GLDC: variants seen among roughly 807,000 people sequenced by gnomAD.
GLDC encodes glycine dehydrogenase (decarboxylating), mitochondrial.
Under a neutral mutation model 121.3 loss-of-function variants are expected in GLDC, and 104 were observed. The observed-to-expected ratio is 0.86, with a 90% confidence interval of 0.73 to 1.01. GLDC has a LOEUF of 1.01. Ranked by LOEUF, GLDC falls within the 50% of genes least tolerant of loss-of-function variation. The probability of loss-of-function intolerance (pLI) is 0.00; values close to 1 mark genes in which losing one functional copy is unlikely to be tolerated. For synonymous variants in GLDC, 546 were observed against 480.6 expected, an observed-to-expected ratio of 1.14 and a Z score of -1.78; for missense variants, 1,429 against 1,306.6, an observed-to-expected ratio of 1.09 and a Z score of -1.44.
intron 21 of GLDC, among the ~76,000 whole-genome samples, chr9:6,544,452 T>A (rs765677755): frequency 1.5e-4 from 23 of 152,182 alleles, no homozygotes; most frequent in Non-Finnish European, 2.8e-4. Context: ...AAGATAAGCC[T>A]AGCCAACATG....
chr9:6,548,271 T>C (rs1177140714), intron 21 of GLDC, among the ~76,000 whole-genome samples: 1 of 152,230 alleles, frequency 6.6e-6, no homozygotes, highest in Non-Finnish European at 1.5e-5. Flanking sequence ...AAAATGTCCG[T>C]GTTGAGCATA....
chr9:6,645,542 C>T lies in GLDC; in HGVS notation c.-43G>A. On this transcript the variant is annotated 5_prime_UTR_variant, in exon 1 of 25. Transcript: ENST00000321612. ...CCTGCCCCGGCCCGCAAGGGTCAGC[C>T]GCGCTCTTGGCCCCTCTCCTGGCCT... 7.7e-7 allele frequency: 1 copy of T among 1,291,348 alleles called. No homozygotes were observed. 80.0% of individuals were successfully genotyped at this position (1,291,348 alleles called of 1,614,324 possible). A position where few individuals can be genotyped will look rare whatever the true frequency, so the allele number is the denominator to read the frequency against.
chr9:6,645,121 G>T (rs376481220), intron 1 of GLDC, 124 bp downstream of exon 1: 1 of 995,856 alleles, frequency 1.0e-6, no homozygotes. Context: ...GCCACGGCCC[G>T]GGACCCAGGG....
In GLDC at chr9:6,553,462, A is replaced by T; in HGVS notation, c.2363T>A (p.Leu788Gln). ...AGGACAGGCATCCTCATTCCGCTTT[A>T]GTGAAATGACGGGATGATTGGGCAA... ...PFLPNHPVIS[L>Q]KRNEDACPVG... Residue 788 changes from leucine to glutamine, a missense_variant, in exon 20 of 25, where the codon CTA becomes CAA. By Grantham distance (113) the Leu-to-Gln change is moderately radical. Coordinates refer to ENST00000321612, the MANE Select transcript of GLDC (RefSeq NM_000170.3). The T allele has an allele frequency of 1.9e-6, 3 of 1,613,980 alleles. No homozygotes were observed. Among genetic ancestry groups the T allele is most frequent in the Non-Finnish European group, 2.5e-6 (3 of 1,179,900 alleles).
intron 16 of GLDC, among the ~76,000 whole-genome samples, chr9:6,559,271 T>C (rs932831567): frequency 6.6e-6 from 1 of 151,962 alleles, no homozygotes; most frequent in Admixed American, 6.6e-5. Flanking sequence ...TCCCAGCACT[T>C]TGGGAGGCCG....
intron 14 of GLDC, 120 bp from the exon 15 acceptor site, chr9:6,587,403 T>C: frequency 1.4e-6 from 1 of 739,700 alleles, no homozygotes; most frequent in Non-Finnish European, 2.3e-6. Flanking sequence ...CTAAGCGCTA[T>C]ACATATGTTA....
intron 20 of GLDC, 64 bp downstream of exon 20, chr9:6,553,304 C>A: frequency 7.0e-7 from 1 of 1,426,842 alleles, no homozygotes; most frequent in Non-Finnish European, 9.9e-7. Flanking sequence ...CTGCAGTATC[C>A]GGTCCCCATG....
In GLDC at chr9:6,591,972, T is replaced by C. The variant is rs62568998; in HGVS notation, c.1482+171A>G. 150,204 of 653,252 alleles carry C rather than the reference T, an allele frequency of 0.23. 19,494 individuals carry two copies. Among genetic ancestry groups the C allele is most frequent in the Middle Eastern group, 0.29 (803 of 2,806 alleles). The allele number at this position is 653,252 out of a possible 1,614,324, so 40.5% of individuals were successfully genotyped here. A position where few individuals can be genotyped will look rare whatever the true frequency, so the allele number is the denominator to read the frequency against. ...AATACTGGCTGGAGCCCTACAGCAGTGACCTCCAGCTGTCAGCAGTGACTA... is the reference window on the plus strand; with the variant it reads ...AATACTGGCTGGAGCCCTACAGCAGCGACCTCCAGCTGTCAGCAGTGACTA... On this transcript the variant is annotated intron_variant, in intron 11 of 24. Coordinates refer to ENST00000321612, the MANE Select transcript of GLDC (RefSeq NM_000170.3).
At chr9:6,539,777 TCA>T (rs1224904299) in intron 22 of GLDC, among the ~76,000 whole-genome samples, 1 of 152,214 alleles carries the variant, frequency 6.6e-6, no homozygotes, top group Non-Finnish European at 1.5e-5. Context: ...ACCACTACAC[TCA>T]CTGCAACTCA....
At chr9:6,561,511 T>C (rs910204629) in intron 16 of GLDC, among the ~76,000 whole-genome samples, 2 of 151,982 alleles carry the variant, frequency 1.3e-5, no homozygotes, top group African/African-American at 4.8e-5. Flanking sequence ...TAGCCAGGCA[T>C]GGTGGTGCAC....
At position 6,630,648 on chromosome 9, in the gene GLDC, T is replaced by C. The variant is rs556765278; in HGVS notation, c.335-10329A>G. On this transcript the variant is annotated intron_variant, in intron 2 of 24. Transcript: ENST00000321612. Reference sequence around the variant, plus strand: ...GAGGACAGAGACTGCCTGGGCAGATTGTTCTTGCCAACATCCTAATCCTCA... The same window carrying C: ...GAGGACAGAGACTGCCTGGGCAGATCGTTCTTGCCAACATCCTAATCCTCA... 7.2e-5 allele frequency among the ~76,000 whole-genome samples: 11 copies of C among 152,258 alleles called. No individual in the cohort carries two copies. The East Asian group carries it at 1.9e-3, about 27-fold the overall frequency.
At chr9:6,546,147 G>A (rs561719150) in intron 21 of GLDC, among the ~76,000 whole-genome samples, 1 of 151,224 alleles carries the variant, frequency 6.6e-6, no homozygotes, top group South Asian at 2.1e-4. Context: ...ACACACCTTT[G>A]TCTAGGCCTA....
At chr9:6,536,040 A>G in intron 23 of GLDC, 24 bp downstream of exon 23, 1 of 1,592,570 alleles carries the variant, frequency 6.3e-7, no homozygotes, top group Non-Finnish European at 8.6e-7. Context: ...GAACATTTCA[A>G]GCAATGTTCC....
intron 21 of GLDC, among the ~76,000 whole-genome samples, chr9:6,545,859 T>C (rs994242615): frequency 1.3e-5 from 2 of 152,178 alleles, no homozygotes; most frequent in African/African-American, 2.4e-5. Context: ...CTGGCTGGTC[T>C]CGAACTCCTG....
rs760664408 is a variant in GLDC at position 6,540,070 on chromosome 9, G to A, written c.2646C>T (p.Ala882=). 1 of 1,610,108 alleles carries A rather than the reference G, an allele frequency of 6.2e-7. No homozygotes were observed. Among genetic ancestry groups the A allele is most frequent in the Non-Finnish European group, 8.5e-7 (1 of 1,176,498 alleles). ...ACTTACCATAATCCTGGAGTCTCTT[G>A]GCCACATCCACAGCCTCAATATTTG... ...KSANIEAVDV[A]KRLQDYGFHA... Residue 882 remains alanine, a synonymous_variant, in exon 22 of 25, where the codon GCC becomes GCT. Transcript: ENST00000321612.
rs78908763 is a variant in GLDC, at chr9:6,618,129, T to C, written c.470+2055A>G. Among the ~76,000 whole-genome samples the C allele has an allele frequency of 8.5e-5, 13 of 152,352 alleles. No homozygotes were observed. In the East Asian group the frequency reaches 1.9e-3, roughly 23 times the overall value. On this transcript the variant is annotated intron_variant, in intron 3 of 24. Coordinates refer to ENST00000321612, the MANE Select transcript of GLDC (RefSeq NM_000170.3). ...TCCATCTATGTCTGATTTGTTTCCA[T>C]GCTGGAAATGAAAAGTGGACACCTA...
At chr9:6,565,311 CT>C in intron 16 of GLDC, 42 bp downstream of exon 16, 1 of 1,393,192 alleles carries the variant, frequency 7.2e-7, no homozygotes, top group Non-Finnish European at 1.0e-6. Context: ...GCCAGGACCT[CT>C]GTGCCCCATG....
intron 24 of GLDC, among the ~76,000 whole-genome samples, chr9:6,533,422 C>G (rs546998381): frequency 6.6e-6 from 1 of 152,346 alleles, no homozygotes; most frequent in South Asian, 2.1e-4. Context: ...GTTTGAAAGA[C>G]TTCAACTGCT....
chr9:6,611,924 A>AT (rs1292546739), intron 3 of GLDC, among the ~76,000 whole-genome samples: 1 of 152,122 alleles, frequency 6.6e-6, no homozygotes, highest in African/African-American at 2.4e-5. Flanking sequence ...ACTTGGCTGG[A>AT]GTAGTGCCAC....
Sources: allele counts gnomAD v4.1 joint callset (sites outside exome capture counted in the v4.1 genomes callset), GRCh38; gene constraint gnomAD v4.1.1; transcripts MANE v1.5; gene names NCBI Gene and HGNC (gene_info 2026-07-23, HGNC 2026-07-21).